Variants in GSTA5 observed in about 807,000 individuals in gnomAD.
The protein encoded by GSTA5 is glutathione S-transferase alpha 5.
In GSTA5, 25 loss-of-function variants were observed where a neutral mutation model predicts 21.8. That is an observed-to-expected ratio of 1.14 (90% CI 0.83 to 1.60). The LOEUF is 1.60. Ranked by LOEUF, GSTA5 falls within the 40% of genes most tolerant of loss-of-function variation. The pLI is 0.00. For missense variants in GSTA5, 330 were observed against 259.2 expected, an observed-to-expected ratio of 1.27 and a Z score of -1.88; for synonymous variants, 102 against 89.5, an observed-to-expected ratio of 1.14 and a Z score of -0.78.
chr6:52,837,238 A>G (rs553891826), intron 2 of GSTA5, among the ~76,000 whole-genome samples: 1 of 152,234 alleles, frequency 6.6e-6, no homozygotes, highest in East Asian at 1.9e-4. Flanking sequence ...GTGTGCTTGG[A>G]TGGGGAGGGC....
At chr6:52,841,610 C>G (rs993374871), upstream of GSTA5, among the ~76,000 whole-genome samples, 1 of 152,200 alleles carries the variant, frequency 6.6e-6, no homozygotes, top group Non-Finnish European at 1.5e-5. Context: ...TGTTTTATAA[C>G]CTGGCAAAAG....
At chr6:52,833,150 G>A (rs1764241630) in intron 4 of GSTA5, among the ~76,000 whole-genome samples, 160 bp from the exon 5 acceptor site, 2 of 152,180 alleles carry the variant, frequency 1.3e-5, no homozygotes, top group African/African-American at 4.8e-5. Context: ...ATGAATGAGA[G>A]AGTAAGAACT....
chr6:52,835,454 T>A (rs2127323723), intron 3 of GSTA5, among the ~76,000 whole-genome samples: 1 of 152,316 alleles, frequency 6.6e-6, no homozygotes, highest in East Asian at 1.9e-4. Flanking sequence ...TTTTGAATAC[T>A]ATGAATATTG....
At chr6:52,840,623 A>C in intron 1 of GSTA5, 104 bp downstream of exon 1, 1 of 1,058,598 alleles carries the variant, frequency 9.4e-7, no homozygotes, top group Non-Finnish European at 1.4e-6. Context: ...ATTTTTATTT[A>C]AGGCACAATG....
At chr6:52,840,756 G>C (rs777093478) in exon 1 of GSTA5, 1 of 1,614,056 alleles carries the variant, frequency 6.2e-7, no homozygotes. Flanking sequence ...AGGAGCCACC[G>C]AATGGACTCC....
intron 5 of GSTA5, among the ~76,000 whole-genome samples, chr6:52,832,592 G>A (rs992296256): frequency 6.6e-6 from 1 of 152,158 alleles, no homozygotes; most frequent in Non-Finnish European, 1.5e-5. Flanking sequence ...GAAATAGAGG[G>A]ATGGGAAGAG....
chr6:52,843,143 G>T (rs1274758890), upstream of GSTA5, among the ~76,000 whole-genome samples: 1 of 152,130 alleles, frequency 6.6e-6, no homozygotes, highest in Admixed American at 6.6e-5. Flanking sequence ...TCTTTATCCA[G>T]TCTATCATTG....
rs766422293 is a variant in GSTA5 at position 52,831,841 on chromosome 6, T to C, written c.*7A>G. The C allele has an allele frequency of 6.2e-7, 1 of 1,613,966 alleles. No homozygotes were observed. Among genetic ancestry groups the C allele is most frequent in the Admixed American group, 1.7e-5 (1 of 60,012 alleles). ...CTGGCATGTTCTTGGCCTCCATAGC[T>C]GCTTTATTAAAACCTGAAAATCTTC... is the stretch of plus-strand genomic sequence containing the variant. On this transcript the variant is annotated 3_prime_UTR_variant, in exon 6 of 6. Transcript: ENST00000370989.
At chr6:52,841,970 C>G (rs1344448544), upstream of GSTA5, among the ~76,000 whole-genome samples, 1 of 152,186 alleles carries the variant, frequency 6.6e-6, no homozygotes, top group African/African-American at 2.4e-5. Flanking sequence ...TATCAGTGAG[C>G]ATGACATGTT....
intron 2 of GSTA5, 60 bp downstream of exon 2, chr6:52,837,498 A>G: frequency 1.8e-6 from 2 of 1,115,996 alleles, no homozygotes; most frequent in African/African-American, 1.5e-5. Context: ...TGGCTGCTCA[A>G]CGTTCCTCTG....
At chr6:52,833,072 G>A in intron 4 of GSTA5, 82 bp from the exon 5 acceptor site, 1 of 1,525,678 alleles carries the variant, frequency 6.6e-7, no homozygotes, top group Non-Finnish European at 9.1e-7. Flanking sequence ...TCTCCACCCT[G>A]ACTTTTCCCA....
intron 5 of GSTA5, 21 bp downstream of exon 5, chr6:52,832,838 C>A: frequency 6.2e-7 from 1 of 1,613,564 alleles, no homozygotes; most frequent in Non-Finnish European, 8.5e-7. Flanking sequence ...GGCTGTCTCT[C>A]TGGGCTGTGA....
intron 4 of GSTA5, among the ~76,000 whole-genome samples, chr6:52,833,810 G>T (rs1024113014): frequency 2.2e-4 from 34 of 152,164 alleles, no homozygotes; most frequent in African/African-American, 7.0e-4. Context: ...CAAAGTCCAT[G>T]GGGTTCCATA....
rs1343630288 is a variant in GSTA5, at chr6:52,831,987, A to C, written c.547-17T>G. The C allele has an allele frequency of 6.2e-7, 1 of 1,608,640 alleles. No individual in the cohort carries two copies. The highest frequency in any genetic ancestry group is 1.3e-5 in the African/African-American group (1 of 74,272). On this transcript the variant is annotated splice_polypyrimidine_tract_variant and intron_variant, in intron 5 of 5. Transcript: ENST00000370989. Reference sequence around the variant, plus strand: ...TTTCAGGGCCTGTAATCCACAAAGCACAGCCTCAGAGTGAAGCCAAGGCCG... The same window carrying C: ...TTTCAGGGCCTGTAATCCACAAAGCCCAGCCTCAGAGTGAAGCCAAGGCCG...
rs369586066 is a variant in GSTA5, at chr6:52,840,718, A to T, written c.87+9T>A. 1.9e-6 allele frequency: 3 copies of T among 1,612,726 alleles called. No homozygotes were observed. In the African/African-American group the frequency reaches 4.0e-5, roughly 22 times the overall value. On this transcript the variant is annotated intron_variant, in intron 1 of 5. Transcript: ENST00000370989. ...AATCCAACTTAAGATGACCTTACTC[A>T]GAACCTACCTCTACTCCAGCTGCAG...
Position 52,837,546 on chromosome 6 carries a change from G to A in GSTA5, c.139+12C>T, listed in dbSNP as rs1246990412. On this transcript the variant is annotated intron_variant, in intron 2 of 5. Coordinates refer to ENST00000370989, the Ensembl canonical transcript of GSTA5. ...GAAACTCTCATCAGAGTTACTTAGA[G>A]ATTGATCTTACCATTTCTTAACTTG... 2.5e-6 allele frequency: 4 copies of A among 1,573,150 alleles called. No individual in the cohort carries two copies. Among genetic ancestry groups the A allele is most frequent in the Non-Finnish European group, 3.5e-6 (4 of 1,143,434 alleles).
At chr6:52,834,986 C>G (rs1764272473) in intron 3 of GSTA5, among the ~76,000 whole-genome samples, 1 of 152,170 alleles carries the variant, frequency 6.6e-6, no homozygotes, top group African/African-American at 2.4e-5. Context: ...TTTCACAATA[C>G]TTTTTAAAAC....
intron 5 of GSTA5, among the ~76,000 whole-genome samples, chr6:52,832,421 G>A (rs1764230199): frequency 6.6e-6 from 1 of 152,190 alleles, no homozygotes; most frequent in South Asian, 2.1e-4. Context: ...AGAGTGCTGG[G>A]AGAGCTGTGC....
chr6:52,837,476 C>T (rs1337627426), intron 2 of GSTA5, 82 bp downstream of exon 2: 1 of 863,730 alleles, frequency 1.2e-6, no homozygotes, highest in Non-Finnish European at 1.9e-6. Flanking sequence ...CCCCCACACA[C>T]ATAGGTATTC....
Sources: allele counts gnomAD v4.1 joint callset (sites outside exome capture counted in the v4.1 genomes callset), GRCh38; gene constraint gnomAD v4.1.1; transcripts MANE v1.5; gene names NCBI Gene and HGNC (gene_info 2026-07-23, HGNC 2026-07-21).